Variants in RAB20 observed in about 807,000 individuals in gnomAD.
The protein encoded by RAB20 is RAB20, member RAS oncogene family.
A neutral mutation model predicts 3.7 loss-of-function variants in RAB20; 2 were observed. That is an observed-to-expected ratio of 0.54 (90% CI 0.22 to 1.69). The LOEUF (loss-of-function observed/expected upper bound fraction) is 1.69. Among genes scored for constraint, RAB20 ranks in the 40% most tolerant of loss-of-function variants. The pLI is 0.19. For synonymous variants in RAB20, 126 were observed against 130.8 expected (o/e 0.96, Z 0.25); for missense variants, 276 against 311.9 (o/e 0.88, Z 0.87).
At chr13:110,547,019 C>G (rs979886163) in intron 1 of RAB20, among the ~76,000 whole-genome samples, 1 of 152,120 alleles carries the variant, frequency 6.6e-6, no homozygotes, top group Non-Finnish European at 1.5e-5. Context: ...GGATTACAGG[C>G]GTGAGTCACC....
chr13:110,529,124 G>A (rs973242287), intron 1 of RAB20, among the ~76,000 whole-genome samples: 1 of 152,252 alleles, frequency 6.6e-6, no homozygotes, highest in Admixed American at 6.5e-5. Flanking sequence ...GCTCTGGTAT[G>A]TAAGGCATGA....
chr13:110,559,125 C>T (rs959578511), intron 1 of RAB20, among the ~76,000 whole-genome samples: 3 of 152,162 alleles, frequency 2.0e-5, no homozygotes, highest in African/African-American at 7.2e-5. Flanking sequence ...GCCTTGCAGG[C>T]TACAAGCAGC....
rs115000813 is a variant in RAB20, at chr13:110,524,880, G to A, written c.173-683C>T. 8.2e-3 allele frequency among the ~76,000 whole-genome samples: 1,253 copies of A among 152,294 alleles called. 21 individuals are homozygous for A. The highest frequency in any genetic ancestry group is 0.029 in the African/African-American group (1,202 of 41,564). On this transcript the variant is annotated intron_variant, in intron 1 of 1. Transcript: ENST00000267328. ...CCTGAGGAGCCAGGCCCCAGCATTCGCACTTCTTGTGGGTGCCGCAGCCCC... is the reference window on the plus strand; with the variant it reads ...CCTGAGGAGCCAGGCCCCAGCATTCACACTTCTTGTGGGTGCCGCAGCCCC...
chr13:110,538,624 A>AAAAG (rs1566586904), intron 1 of RAB20, among the ~76,000 whole-genome samples: 7 of 68,658 alleles, frequency 1.0e-4, no homozygotes, highest in African/African-American at 7.3e-4. Flanking sequence ...AAAAAGAAAG[A>AAAAG]AAAGAAAAGA....
chr13:110,536,728 GT>G (rs66650643), intron 1 of RAB20, among the ~76,000 whole-genome samples: 1,092 of 94,630 alleles, frequency 0.012, 323 homozygotes, highest in African/African-American at 0.05. Context: ...TTTTGGGGCG[GT>G]GGGGGGGGGT....
intron 1 of RAB20, among the ~76,000 whole-genome samples, chr13:110,553,966 GT>G (rs1165184921): frequency 1.3e-5 from 2 of 152,026 alleles, no homozygotes; most frequent in South Asian, 2.1e-4. Context: ...AACAAAAATT[GT>G]TTTTTTAAAT....
chr13:110,548,145 G>A (rs1884887517), intron 1 of RAB20, among the ~76,000 whole-genome samples: 1 of 149,902 alleles, frequency 6.7e-6, no homozygotes. Context: ...CAGTTAGAAT[G>A]CTACATCTTT....
intron 1 of RAB20, among the ~76,000 whole-genome samples, chr13:110,536,251 C>A (rs1056515891): frequency 6.6e-6 from 1 of 152,136 alleles, no homozygotes; most frequent in Non-Finnish European, 1.5e-5. Context: ...GCCCTGCCGA[C>A]GCCAGTTCAG....
At chr13:110,553,523 G>A (rs1441805834) in intron 1 of RAB20, among the ~76,000 whole-genome samples, 2 of 152,224 alleles carry the variant, frequency 1.3e-5, no homozygotes, top group African/African-American at 4.8e-5. Context: ...GTGCTGTCTG[G>A]TCTCTGTTGC....
chr13:110,561,333 C>G lies in RAB20; in HGVS notation c.172+15G>C, dbSNP rs111681301. 8,176 of 1,577,860 alleles carry G rather than the reference C, an allele frequency of 5.2e-3. 389 individuals are homozygous for G. In the African/African-American group the frequency reaches 0.1, roughly 19 times the overall value. On this transcript the variant is annotated intron_variant, in intron 1 of 1. Transcript: ENST00000267328. Reference sequence around the variant, plus strand: ...GAGCCCCAGGGCGGTGTGGCTCATGCGGCGCCGGCCTCACCTGCGGTGTCC... The same window carrying G: ...GAGCCCCAGGGCGGTGTGGCTCATGGGGCGCCGGCCTCACCTGCGGTGTCC...
chr13:110,531,361 AG>A (rs973610263), intron 1 of RAB20, among the ~76,000 whole-genome samples: 1 of 152,232 alleles, frequency 6.6e-6, no homozygotes, highest in Admixed American at 6.5e-5. Flanking sequence ...CCACCTTCCC[AG>A]GAGCTCCAAA....
rs1240407566 is a variant in RAB20, at chr13:110,523,656, C to T, written c.*9G>A. The T allele has an allele frequency of 6.2e-7, 1 of 1,610,456 alleles. No individual in the cohort carries two copies. The highest frequency in any genetic ancestry group is 1.3e-5 in the African/African-American group (1 of 74,840). ...CATGCACAGTCTGAGTCCAGGAGGC[C>T]CTCGAAAGTCAGGCACAACACCCAG... is the stretch of plus-strand genomic sequence containing the variant. On this transcript the variant is annotated 3_prime_UTR_variant, in exon 2 of 2. Transcript: ENST00000267328.
chr13:110,542,134 G>A (rs993237336), intron 1 of RAB20, among the ~76,000 whole-genome samples: 3 of 152,124 alleles, frequency 2.0e-5, no homozygotes, highest in Non-Finnish European at 2.9e-5. Context: ...GCAGGATGAC[G>A]AGTTTTGTTT....
At chr13:110,537,958 C>T (rs1884678004) in intron 1 of RAB20, among the ~76,000 whole-genome samples, 1 of 152,146 alleles carries the variant, frequency 6.6e-6, no homozygotes. Context: ...TCAGGTCCTC[C>T]ACCAGGATGG....
chr13:110,556,144 C>T (rs1594140280), intron 1 of RAB20, among the ~76,000 whole-genome samples: 1 of 152,214 alleles, frequency 6.6e-6, no homozygotes, highest in South Asian at 2.1e-4. Flanking sequence ...CAGCTGTGGT[C>T]GGCAGATGCC....
intron 1 of RAB20, among the ~76,000 whole-genome samples, chr13:110,531,079 C>T (rs537538058): frequency 6.6e-6 from 1 of 152,330 alleles, no homozygotes; most frequent in South Asian, 2.1e-4. Flanking sequence ...AGTGTGAGTC[C>T]TCAGGGTTTA....
At chr13:110,561,297 C>A (rs1288180595) in intron 1 of RAB20, 51 bp downstream of exon 1, 2 of 1,496,592 alleles carry the variant, frequency 1.3e-6, no homozygotes, top group African/African-American at 1.5e-5. Flanking sequence ...CCGCGCCCCC[C>A]GTCCCCGGCG....
intron 1 of RAB20, among the ~76,000 whole-genome samples, 168 bp downstream of exon 1, chr13:110,561,180 G>A (rs1312557237): frequency 1.3e-5 from 2 of 152,210 alleles, no homozygotes; most frequent in African/African-American, 2.4e-5. Flanking sequence ...CTGAGAGGCA[G>A]CGCTCAGCCC....
intron 1 of RAB20, among the ~76,000 whole-genome samples, chr13:110,557,167 A>T (rs980515637): frequency 6.6e-6 from 1 of 152,198 alleles, no homozygotes; most frequent in African/African-American, 2.4e-5. Flanking sequence ...GGACTGTGTT[A>T]TCAGAAGCTG....
Sources: allele counts gnomAD v4.1 joint callset (sites outside exome capture counted in the v4.1 genomes callset), GRCh38; gene constraint gnomAD v4.1.1; transcripts MANE v1.5; gene names NCBI Gene and HGNC (gene_info 2026-07-23, HGNC 2026-07-21).